UNC5C: variants seen among roughly 807,000 people sequenced by gnomAD.
UNC5C encodes the protein unc-5 netrin receptor C, also known as netrin receptor UNC5C.
A neutral mutation model predicts 99.8 loss-of-function variants in UNC5C; 47 were observed. The ratio of observed to expected loss-of-function variants is 0.47; its 90% CI spans 0.37 to 0.60. The LOEUF is 0.60. Ranked by LOEUF, UNC5C falls within the 20% of genes least tolerant of loss-of-function variation. The pLI is 0.00. For missense variants in UNC5C, 1,062 were observed against 1,165.9 expected, an observed-to-expected ratio of 0.91 and a Z score of 1.30; for synonymous variants, 487 against 452.2, an observed-to-expected ratio of 1.08 and a Z score of -0.98.
At chr4:95,493,658 T>G (rs910376558) in intron 1 of UNC5C, among the ~76,000 whole-genome samples, 23 of 151,388 alleles carry the variant, frequency 1.5e-4, no homozygotes, top group African/African-American at 4.8e-4. Context: ...AAGTACTCAT[T>G]TCTAACTGTG....
chr4:95,254,993 T>C (rs929138830), intron 4 of UNC5C, among the ~76,000 whole-genome samples: 4 of 151,788 alleles, frequency 2.6e-5, no homozygotes, highest in Admixed American at 6.6e-5. Context: ...TGTGTTGTTT[T>C]TTGTTTTTTT....
At chr4:95,308,019 A>G (rs1742122671) in intron 2 of UNC5C, among the ~76,000 whole-genome samples, 1 of 152,220 alleles carries the variant, frequency 6.6e-6, no homozygotes, top group Non-Finnish European at 1.5e-5. Context: ...TACGTTCAAC[A>G]GTGAAAAGTT....
At chr4:95,382,458 CAA>C (rs11324926) in intron 1 of UNC5C, among the ~76,000 whole-genome samples, 351 of 135,834 alleles carry the variant, frequency 2.6e-3, no homozygotes, top group East Asian at 4.7e-3. Context: ...GACCGTCTGT[CAA>C]AAAAAAAAAA....
chr4:95,533,486 TATC>T (rs1722704731), intron 1 of UNC5C, among the ~76,000 whole-genome samples: 1 of 152,024 alleles, frequency 6.6e-6, no homozygotes, highest in East Asian at 1.9e-4. Flanking sequence ...TTTAATGTGA[TATC>T]ATTAAATAAT....
intron 1 of UNC5C, among the ~76,000 whole-genome samples, chr4:95,415,455 G>A (rs1404238369): frequency 6.6e-6 from 1 of 152,068 alleles, no homozygotes; most frequent in African/African-American, 2.4e-5. Context: ...CAAACTCTTG[G>A]AGTTGTCCTT....
intron 1 of UNC5C, among the ~76,000 whole-genome samples, chr4:95,483,188 A>C (rs908865681): frequency 2.0e-5 from 3 of 151,642 alleles, no homozygotes; most frequent in African/African-American, 7.3e-5. Flanking sequence ...ATTCAGGCAT[A>C]AAAATCCTCA....
At chr4:95,366,060 T>G (rs1258975617) in intron 1 of UNC5C, among the ~76,000 whole-genome samples, 3 of 152,144 alleles carry the variant, frequency 2.0e-5, no homozygotes, top group Non-Finnish European at 4.4e-5. Flanking sequence ...ACCCACTATC[T>G]GGTCCTGTCA....
intron 3 of UNC5C, among the ~76,000 whole-genome samples, chr4:95,284,019 A>T (rs552547002): frequency 6.6e-6 from 1 of 152,326 alleles, no homozygotes; most frequent in African/African-American, 2.4e-5. Context: ...AACAATATAG[A>T]TTTCTATTTT....
chr4:95,354,992 G>T (rs2149431408), intron 1 of UNC5C, among the ~76,000 whole-genome samples: 1 of 152,204 alleles, frequency 6.6e-6, no homozygotes, highest in South Asian at 2.1e-4. Flanking sequence ...TCAGGGAGTT[G>T]AATTTGTATT....
intron 14 of UNC5C, among the ~76,000 whole-genome samples, chr4:95,177,318 C>T (rs1426638448): frequency 1.3e-5 from 2 of 152,182 alleles, no homozygotes; most frequent in African/African-American, 4.8e-5. Flanking sequence ...GATGAACTAA[C>T]TGGCCACACC....
chr4:95,423,588 A>AT (rs1746380719), intron 1 of UNC5C, among the ~76,000 whole-genome samples: 9 of 152,162 alleles, frequency 5.9e-5, no homozygotes. Flanking sequence ...ACATTTTGAG[A>AT]TTTTCGTCTT....
In UNC5C at chr4:95,406,365, C is replaced by A. The variant is rs568899242; in HGVS notation, c.125-70734G>T. Among the ~76,000 whole-genome samples the A allele has an allele frequency of 9.2e-5, 14 of 152,296 alleles. No individual in the cohort carries two copies. The South Asian group carries it at 2.9e-3, about 32-fold the overall frequency. On this transcript the variant is annotated intron_variant, in intron 1 of 15. Coordinates refer to ENST00000453304, the MANE Select transcript of UNC5C (RefSeq NM_003728.4). ...CCAGTTAATGTTCTGCATTATACAG[C>A]ATGGGCTTCCTGGAGATGGTGCCAT...
In UNC5C at chr4:95,170,274, G is replaced by A. The variant is rs368284839; in HGVS notation, c.2510C>T (p.Thr837Met). 33 of 1,614,038 alleles carry A rather than the reference G, an allele frequency of 2.0e-5. No individual in the cohort carries two copies. The highest frequency in any genetic ancestry group is 4.5e-5 in the East Asian group (2 of 44,864). ...LDPANTITTV[T>M]GPSAFSIPLP... ...AGGGATGCTGAAAGCACTGGGCCCCGTGACCGTGGTGATGGTGTTCGCAGG... is the reference window on the plus strand; with the variant it reads ...AGGGATGCTGAAAGCACTGGGCCCCATGACCGTGGTGATGGTGTTCGCAGG... Residue 837 changes from threonine to methionine, a missense_variant, in exon 15 of 16, where the codon ACG becomes ATG. Coordinates refer to ENST00000453304, the MANE Select transcript of UNC5C (RefSeq NM_003728.4).
At chr4:95,400,925 A>G (rs1745674370) in intron 1 of UNC5C, among the ~76,000 whole-genome samples, 1 of 152,244 alleles carries the variant, frequency 6.6e-6, no homozygotes. Flanking sequence ...ACAGGGGAGT[A>G]GGAAACTAAT....
intron 12 of UNC5C, among the ~76,000 whole-genome samples, chr4:95,191,450 C>T (rs888368382): frequency 2.0e-5 from 3 of 152,050 alleles, no homozygotes; most frequent in Non-Finnish European, 4.4e-5. Context: ...TGATTTTGTG[C>T]CAAAAATTGT....
chr4:95,204,455 A>T (rs1737800671), intron 11 of UNC5C, among the ~76,000 whole-genome samples: 1 of 152,206 alleles, frequency 6.6e-6, no homozygotes. Flanking sequence ...ATGCCTGTCT[A>T]AAGAGCTCAG....
chr4:95,519,637 C>A (rs1013045664), intron 1 of UNC5C, among the ~76,000 whole-genome samples: 3 of 152,184 alleles, frequency 2.0e-5, no homozygotes, highest in Admixed American at 6.5e-5. Context: ...TGCTTAACTG[C>A]CTCACAGCAA....
rs77653715 is a variant in UNC5C at position 95,417,344 on chromosome 4, C to G, written c.125-81713G>C. Among the ~76,000 whole-genome samples, 169 of 152,246 alleles carry G rather than the reference C, an allele frequency of 1.1e-3. 2 individuals carry two copies. In the East Asian group the frequency reaches 0.022, roughly 20 times the overall value. ...GTTTAATCATTTGTTTTAAATATGTCTCCACACGCACAGAGCTCTTTGACC... is the reference window on the plus strand; with the variant it reads ...GTTTAATCATTTGTTTTAAATATGTGTCCACACGCACAGAGCTCTTTGACC... On this transcript the variant is annotated intron_variant, in intron 1 of 15. Transcript: ENST00000453304.
chr4:95,194,301 T>C (rs1737286040), intron 12 of UNC5C, among the ~76,000 whole-genome samples: 1 of 152,238 alleles, frequency 6.6e-6, no homozygotes, highest in African/African-American at 2.4e-5. Context: ...CATCTTGTGT[T>C]TCTTTTCTCC....
Sources: gnomAD v4.1 joint callset for allele counts (sites outside exome capture counted in the v4.1 genomes callset) on GRCh38, gnomAD v4.1.1 for gene constraint, MANE v1.5 for transcripts, NCBI Gene and HGNC (gene_info 2026-07-23, HGNC 2026-07-21) for gene names.